CAAP1: variants seen among roughly 807,000 people sequenced by gnomAD.
CAAP1 encodes conserved anti-apoptotic protein.
Under a neutral mutation model 34.0 loss-of-function variants are expected in CAAP1, and 20 were observed. The ratio of observed to expected loss-of-function variants is 0.59; its 90% CI spans 0.41 to 0.86. The LOEUF (loss-of-function observed/expected upper bound fraction) is 0.86. Ranked by LOEUF, CAAP1 falls within the 40% of genes least tolerant of loss-of-function variation. The pLI is 0.00. For missense variants in CAAP1, 538 were observed against 450.5 expected (o/e 1.19, Z -1.76); for synonymous variants, 213 against 166.7 (o/e 1.28, Z -2.14).
rs142499698 is a variant in CAAP1 at position 26,884,594 on chromosome 9, G to A, written c.665+216C>T. On this transcript the variant is annotated intron_variant, in intron 4 of 5. Coordinates refer to ENST00000333916, the MANE Select transcript of CAAP1 (RefSeq NM_024828.4). ...TGCTATTGTTCTGTATCTATGTGGA[G>A]TAGTTTTAAAAAATCATCTTAATCC... 3.1e-3 allele frequency among the ~76,000 whole-genome samples: 468 copies of A among 152,218 alleles called. 1 individual carries two copies. Among genetic ancestry groups the A allele is most frequent in the Middle Eastern group, 0.014 (4 of 294 alleles).
intron 4 of CAAP1, among the ~76,000 whole-genome samples, chr9:26,877,870 C>T (rs982952681): frequency 3.3e-5 from 5 of 151,444 alleles, no homozygotes; most frequent in African/African-American, 9.7e-5. Flanking sequence ...ATTTATTACA[C>T]AGGAAAAATT....
chr9:26,891,772 C>T (rs1368039203), intron 1 of CAAP1, among the ~76,000 whole-genome samples: 1 of 152,152 alleles, frequency 6.6e-6, no homozygotes, highest in Admixed American at 6.5e-5. Context: ...GGCCGCGTAT[C>T]AAAATACTAA....
At chr9:26,846,828 C>T (rs1822621927) in intron 5 of CAAP1, among the ~76,000 whole-genome samples, 1 of 152,018 alleles carries the variant, frequency 6.6e-6, no homozygotes, top group South Asian at 2.1e-4. Context: ...GCTGGGATTA[C>T]AGGCATGCGC....
chr9:26,866,440 T>C (rs905146879), intron 4 of CAAP1, among the ~76,000 whole-genome samples: 3 of 152,192 alleles, frequency 2.0e-5, no homozygotes, highest in Non-Finnish European at 2.9e-5. Flanking sequence ...TGGTTGCCTA[T>C]AGGAAGAAAG....
At chr9:26,875,363 G>A (rs913274387) in intron 4 of CAAP1, among the ~76,000 whole-genome samples, 5 of 152,076 alleles carry the variant, frequency 3.3e-5, no homozygotes, top group African/African-American at 1.2e-4. Context: ...TCCAGACTGG[G>A]CAACAGAGTG....
chr9:26,850,038 C>A (rs570068031), intron 5 of CAAP1, among the ~76,000 whole-genome samples: 284 of 152,196 alleles, frequency 1.9e-3, no homozygotes, highest in Admixed American at 4.4e-3. Flanking sequence ...CAGGGTTTCA[C>A]CGTGTCATCC....
chr9:26,854,709 G>A (rs1022941101), intron 5 of CAAP1, among the ~76,000 whole-genome samples: 1 of 152,054 alleles, frequency 6.6e-6, no homozygotes, highest in Admixed American at 6.6e-5. Flanking sequence ...GCAACAATAC[G>A]AAAACAACCC....
At chr9:26,880,738 G>A (rs1823573166) in intron 4 of CAAP1, among the ~76,000 whole-genome samples, 1 of 152,078 alleles carries the variant, frequency 6.6e-6, no homozygotes, top group Non-Finnish European at 1.5e-5. Flanking sequence ...TGCAGTTGTG[G>A]GATTTTGGCT....
intron 5 of CAAP1, among the ~76,000 whole-genome samples, chr9:26,844,337 A>G (rs1563876191): frequency 6.6e-6 from 1 of 152,182 alleles, no homozygotes; most frequent in Admixed American, 6.5e-5. Context: ...AGCCTGGGCA[A>G]TAAGGGTGAA....
At chr9:26,874,462 G>C (rs1192649224) in intron 4 of CAAP1, among the ~76,000 whole-genome samples, 1 of 151,962 alleles carries the variant, frequency 6.6e-6, no homozygotes, top group Non-Finnish European at 1.5e-5. Context: ...CTGAACACTA[G>C]AACTTATTCC....
chr9:26,887,154 G>A (rs927382354), intron 2 of CAAP1, among the ~76,000 whole-genome samples, 159 bp downstream of exon 2: 1 of 152,180 alleles, frequency 6.6e-6, no homozygotes, highest in Non-Finnish European at 1.5e-5. Flanking sequence ...GGAGGTTGCA[G>A]TGAGCCAAGA....
At chr9:26,886,219 T>C in intron 2 of CAAP1, 31 bp from the exon 3 acceptor site, 1 of 1,165,198 alleles carries the variant, frequency 8.6e-7, no homozygotes, top group Non-Finnish European at 1.2e-6. Flanking sequence ...AAAAAATGCA[T>C]TTATGTAACA....
intron 4 of CAAP1, among the ~76,000 whole-genome samples, chr9:26,870,587 CGTGTGT>C (rs10598264): frequency 0.012 from 1,587 of 135,264 alleles, 17 homozygotes; most frequent in African/African-American, 0.018. Context: ...CACATATATA[CGTGTGT>C]GTGTGTGTGT....
chr9:26,875,377 C>A (rs1468847940), intron 4 of CAAP1, among the ~76,000 whole-genome samples: 1 of 151,960 alleles, frequency 6.6e-6, no homozygotes, highest in Non-Finnish European at 1.5e-5. Context: ...CAGAGTGAGA[C>A]CCTGTCTCAA....
chr9:26,860,550 T>C (rs1334772473), intron 5 of CAAP1, among the ~76,000 whole-genome samples: 4 of 152,156 alleles, frequency 2.6e-5, no homozygotes, highest in Admixed American at 1.3e-4. Context: ...CCCAGCACTT[T>C]GGGTGGCCGA....
chr9:26,864,109 T>C (rs1823070932), intron 4 of CAAP1, among the ~76,000 whole-genome samples: 1 of 152,250 alleles, frequency 6.6e-6, no homozygotes, highest in East Asian at 1.9e-4. Context: ...CAACACTCCT[T>C]TAAAGCAGCT....
At chr9:26,883,713 T>C (rs1823658888) in intron 4 of CAAP1, among the ~76,000 whole-genome samples, 1 of 152,164 alleles carries the variant, frequency 6.6e-6, no homozygotes, top group Non-Finnish European at 1.5e-5. Flanking sequence ...ACGTGGGGAA[T>C]GGGGCAAAGA....
Position 26,842,467 on chromosome 9 carries a change from C to T in CAAP1, c.920G>A (p.Gly307Glu). 6.2e-7 allele frequency: 1 copy of T among 1,614,084 alleles called. No homozygotes were observed. The highest frequency in any genetic ancestry group is 8.5e-7 in the Non-Finnish European group (1 of 1,180,006). The change falls in exon 6 of 6, where the codon GGA becomes GAA. Residue 307 changes from glycine (G) to glutamate (E), a missense_variant. Gly to Glu is a moderately conservative substitution (Grantham distance 98, BLOSUM62 -2). Transcript: ENST00000333916. ...DIEKSVNEIL[G>E]LAESSPNEPK... ...TTCGTTTGGGCTAGACTCTGCCAGTCCTAGAATCTCATTCACACTTTTCTC... is the reference window on the plus strand; with the variant it reads ...TTCGTTTGGGCTAGACTCTGCCAGTTCTAGAATCTCATTCACACTTTTCTC...
intron 4 of CAAP1, among the ~76,000 whole-genome samples, chr9:26,870,665 G>A (rs956260762): frequency 5.3e-5 from 8 of 151,010 alleles, no homozygotes; most frequent in Non-Finnish European, 1.0e-4. Flanking sequence ...CCAGGCTGGA[G>A]TAATGCAATG....
Sources: allele counts gnomAD v4.1 joint callset (sites outside exome capture counted in the v4.1 genomes callset), GRCh38; gene constraint gnomAD v4.1.1; transcripts MANE v1.5; gene names NCBI Gene and HGNC (gene_info 2026-07-23, HGNC 2026-07-21).